The following BAZ2B variants were observed in gnomAD, a reference collection of about 807,000 sequenced individuals.
BAZ2B encodes the protein bromodomain adjacent to zinc finger domain protein 2B.
BAZ2B carries 91 observed loss-of-function variants against 246.0 expected under a neutral mutation model. The ratio of observed to expected loss-of-function variants is 0.37; its 90% confidence interval spans 0.31 to 0.44. The LOEUF (loss-of-function observed/expected upper bound fraction) is 0.44. BAZ2B is among the 20% of genes least tolerant of loss of function. The probability of loss-of-function intolerance (pLI) is 1.00; values close to 1 mark genes in which losing one functional copy is unlikely to be tolerated. For missense variants in BAZ2B, 2,332 were observed against 2,533.7 expected, an observed-to-expected ratio of 0.92 and a Z score of 1.71; for synonymous variants, 855 against 860.0, an observed-to-expected ratio of 0.99 and a Z score of 0.10.
the BAZ2B span, among the ~76,000 whole-genome samples, chr2:159,669,465 T>C: frequency 1.3e-5 from 2 of 152,130 alleles, no homozygotes; most frequent in African/African-American, 2.4e-5. Context: ...TCGGTTCAAA[T>C]CTTCTATGTC....
rs112756147 is a variant in BAZ2B at position 159,328,412 on chromosome 2, G to A, written c.5944-2494C>T. ...AGAAGTCACAAACTGGTGGCTCACC[G>A]GCTCCAAACAGGCCACAGAATGTAT... On this transcript the variant is annotated intron_variant, in intron 34 of 36. Coordinates refer to ENST00000392783, the MANE Select transcript of BAZ2B (RefSeq NM_013450.4). Among the ~76,000 whole-genome samples, 53 of 152,226 alleles carry A rather than the reference G, an allele frequency of 3.5e-4. 2 individuals carry two copies. Among genetic ancestry groups the A allele is most frequent in the African/African-American group, 1.0e-3 (42 of 41,544 alleles).
In BAZ2B at chr2:159,478,572, C is replaced by A; in HGVS notation, c.145+3G>T. 1 of 1,593,240 alleles carries A rather than the reference C, an allele frequency of 6.3e-7. No homozygotes were observed. Among genetic ancestry groups the A allele is most frequent in the South Asian group, 1.2e-5 (1 of 86,930 alleles). On this transcript the variant is annotated splice_donor_region_variant and intron_variant, in intron 3 of 36. Transcript: ENST00000392783. ...TAAAATTGAGTTAAAAAAGGGTATT[C>A]ACCACATGGGTTGATTGTAGAGCTA...
chr2:159,552,934 G>T (rs2088503642), intron 2 of BAZ2B, among the ~76,000 whole-genome samples: 1 of 152,166 alleles, frequency 6.6e-6, no homozygotes, highest in African/African-American at 2.4e-5. Flanking sequence ...TAGAGAGACA[G>T]TTTGATTTCA....
At chr2:159,502,665 ACTCAATGACAGAATGCCATTTGACT>A (rs1291638913) in intron 2 of BAZ2B, among the ~76,000 whole-genome samples, 1 of 152,058 alleles carries the variant, frequency 6.6e-6, no homozygotes, top group African/African-American at 2.4e-5. Context: ...TCTCAATGGT[ACTCAATGACAGAATGCCATTTGACT>A]TAATGAATTC....
At chr2:159,493,240 A>T (rs1223717434) in intron 2 of BAZ2B, among the ~76,000 whole-genome samples, 1 of 152,220 alleles carries the variant, frequency 6.6e-6, no homozygotes, top group Non-Finnish European at 1.5e-5. Flanking sequence ...ACATGCAGAA[A>T]ATTACATTTA....
the BAZ2B span, among the ~76,000 whole-genome samples, chr2:159,698,390 G>A: frequency 3.6e-4 from 55 of 151,450 alleles, no homozygotes; most frequent in African/African-American, 1.2e-3. Context: ...GCATGGTAGC[G>A]TGCACCTATG....
chr2:159,495,305 G>T (rs1172844439), intron 2 of BAZ2B, among the ~76,000 whole-genome samples: 3 of 150,626 alleles, frequency 2.0e-5, no homozygotes, highest in Admixed American at 6.6e-5. Context: ...CTAAAACGGT[G>T]AAACCCCGTC....
chr2:159,325,128 T>C (rs1575605457), intron 35 of BAZ2B, among the ~76,000 whole-genome samples, 174 bp from the exon 36 acceptor site: 9 of 32,782 alleles, frequency 2.7e-4, no homozygotes, highest in South Asian at 3.1e-3. Flanking sequence ...TATATATATA[T>C]ATATATATAT....
chr2:159,317,507 A>C (rs1228232639), downstream of BAZ2B, among the ~76,000 whole-genome samples: 1 of 152,194 alleles, frequency 6.6e-6, no homozygotes, highest in Non-Finnish European at 1.5e-5. Flanking sequence ...ATATTACTTT[A>C]CTGTCTGCAT....
At chr2:159,353,987 T>A (rs866743998) in intron 27 of BAZ2B, among the ~76,000 whole-genome samples, 1 of 152,156 alleles carries the variant, frequency 6.6e-6, no homozygotes, top group African/African-American at 2.4e-5. Context: ...CCAATCAAAG[T>A]TAGCAGGCAT....
intron 2 of BAZ2B, among the ~76,000 whole-genome samples, chr2:159,511,153 CA>C (rs1321799429): frequency 1.3e-5 from 2 of 152,110 alleles, no homozygotes; most frequent in African/African-American, 4.8e-5. Flanking sequence ...AATGTTAAGA[CA>C]AACTATTCCA....
chr2:159,394,594 T>C (rs543317189), intron 20 of BAZ2B, among the ~76,000 whole-genome samples: 32 of 152,264 alleles, frequency 2.1e-4, no homozygotes, highest in Non-Finnish European at 3.7e-4. Flanking sequence ...CTATGTTAAG[T>C]CTATGCTAAG....
At chr2:159,630,799 G>T in the BAZ2B span, among the ~76,000 whole-genome samples, 1 of 152,178 alleles carries the variant, frequency 6.6e-6, no homozygotes, top group Non-Finnish European at 1.5e-5. Context: ...CTCCCAAAGT[G>T]CTGGGATTAC....
chr2:159,657,325 A>G, the BAZ2B span, among the ~76,000 whole-genome samples: 1 of 152,070 alleles, frequency 6.6e-6, no homozygotes, highest in Non-Finnish European at 1.5e-5. Flanking sequence ...TGTGTTCTGT[A>G]TCAATTTGTT....
In BAZ2B at chr2:159,451,890, T is replaced by A. The variant is rs895616190; in HGVS notation, c.334+1723A>T. 2.6e-4 allele frequency among the ~76,000 whole-genome samples: 39 copies of A among 152,156 alleles called. 1 individual carries two copies. The highest frequency in any genetic ancestry group is 8.4e-4 in the African/African-American group (35 of 41,450). The stretch of plus-strand genomic sequence containing the variant: ...TAGTATTTACATTGTGGCTTAGAAA[T>A]GTTCAAAAGCAACAGTGTAATAAAG... On this transcript the variant is annotated intron_variant, in intron 4 of 36. Coordinates refer to ENST00000392783, the MANE Select transcript of BAZ2B (RefSeq NM_013450.4).
chr2:159,470,910 A>G (rs1461118401), intron 3 of BAZ2B, among the ~76,000 whole-genome samples: 2 of 152,276 alleles, frequency 1.3e-5, no homozygotes, highest in East Asian at 3.9e-4. Context: ...TCAGAGAGAA[A>G]GTCTGGGCAG....
intron 21 of BAZ2B, among the ~76,000 whole-genome samples, chr2:159,387,061 C>CT (rs2062731334): frequency 1.3e-5 from 2 of 152,074 alleles, no homozygotes; most frequent in South Asian, 4.1e-4. Context: ...AAAAATCACA[C>CT]TTTTTTTGTA....
intron 3 of BAZ2B, among the ~76,000 whole-genome samples, chr2:159,473,316 G>A (rs1313793534): frequency 1.3e-5 from 2 of 152,278 alleles, no homozygotes; most frequent in East Asian, 3.9e-4. Context: ...ATGTGTCCAG[G>A]AATTTATCCA....
Position 159,433,224 on chromosome 2 carries a change from T to C in BAZ2B, c.1433A>G (p.Asn478Ser). Residue 478 changes from asparagine to serine, a missense_variant, in exon 9 of 37, where the codon AAC becomes AGC. This residue lies in a region of BAZ2B where 651 missense variants were observed against 650.9 expected (regional missense o/e 1.00). Coordinates refer to ENST00000392783, the MANE Select transcript of BAZ2B (RefSeq NM_013450.4). ...ATTTGTCAAGAATGGATTTGGGTGGTTGTTTTCTAATGTTTGTTTTGGATG... is the reference window on the plus strand; with the variant it reads ...ATTTGTCAAGAATGGATTTGGGTGGCTGTTTTCTAATGTTTGTTTTGGATG... Reference protein sequence around the residue: ...PAHPKQTLENNHPNPFLTNAL... With the variant: ...PAHPKQTLENSHPNPFLTNAL... 1 of 1,614,208 alleles carries C rather than the reference T, an allele frequency of 6.2e-7. No individual in the cohort carries two copies. The highest frequency in any genetic ancestry group is 1.1e-5 in the South Asian group (1 of 91,088).
Sources: allele counts gnomAD v4.1 joint callset (sites outside exome capture counted in the v4.1 genomes callset), GRCh38; gene constraint gnomAD v4.1.1; regional missense constraint gnomAD v4.1.1; transcripts MANE v1.5; gene names NCBI Gene and HGNC (gene_info 2026-07-23, HGNC 2026-07-21).